Variants in RB1CC1 observed in about 807,000 individuals in gnomAD.
RB1CC1 encodes RB1 inducible coiled-coil 1.
Under a neutral mutation model 177.5 loss-of-function variants are expected in RB1CC1, and 46 were observed. The ratio of observed to expected loss-of-function variants is 0.26; its 90% CI spans 0.20 to 0.33. The LOEUF (loss-of-function observed/expected upper bound fraction) is 0.33, where lower values mean the gene tolerates loss of function less well. Among genes scored for constraint, RB1CC1 ranks in the 10% least tolerant of loss-of-function variants. The probability of loss-of-function intolerance (pLI) is 1.00; values close to 1 mark genes in which losing one functional copy is unlikely to be tolerated. For synonymous variants in RB1CC1, 666 were observed against 613.6 expected (o/e 1.09, Z -1.26); for missense variants, 1,703 against 1,816.3 (o/e 0.94, Z 1.13).
intron 5 of RB1CC1, among the ~76,000 whole-genome samples, chr8:52,682,736 A>G (rs1340470432): frequency 6.6e-6 from 1 of 152,130 alleles, no homozygotes; most frequent in Non-Finnish European, 1.5e-5. Context: ...CTATTATGTA[A>G]ATTCAGTTTA....
chr8:52,662,615 T>A (rs982747451), intron 8 of RB1CC1, among the ~76,000 whole-genome samples: 3 of 152,050 alleles, frequency 2.0e-5, no homozygotes, highest in African/African-American at 4.8e-5. Flanking sequence ...TCATTATCCT[T>A]CTAGGAACTT....
chr8:52,653,263 A>T (rs372474588), intron 15 of RB1CC1, among the ~76,000 whole-genome samples: 11 of 152,106 alleles, frequency 7.2e-5, no homozygotes, highest in African/African-American at 2.7e-4. Flanking sequence ...GCAGAGGGAG[A>T]TGAGAACACT....
intron 20 of RB1CC1, among the ~76,000 whole-genome samples, chr8:52,634,112 G>C (rs1848955842): frequency 6.6e-6 from 1 of 151,946 alleles, no homozygotes; most frequent in Non-Finnish European, 1.5e-5. Context: ...GAGAGACCTT[G>C]TCTCGATTTT....
chr8:52,663,894 T>TA (rs1279285785), intron 8 of RB1CC1, among the ~76,000 whole-genome samples: 9 of 152,292 alleles, frequency 5.9e-5, no homozygotes, highest in African/African-American at 2.2e-4. Context: ...CAATGGAAGA[T>TA]AGAGTAGTGT....
At position 52,623,725 on chromosome 8, in the gene RB1CC1, G is replaced by T. The variant is rs754968086; in HGVS notation, c.*57C>A. ...CTGCTGTTTTTGGAGTGATGAATGA[G>T]CACTGCAGGACAAATCAGAAAAAAA... On this transcript the variant is annotated 3_prime_UTR_variant, in exon 24 of 24. Transcript: ENST00000025008. The T allele has an allele frequency of 3.2e-6, 4 of 1,238,202 alleles. No homozygotes were observed. The highest frequency in any genetic ancestry group is 2.3e-5 in the East Asian group (1 of 42,694). 76.7% of individuals were successfully genotyped at this position (1,238,202 alleles called of 1,614,324 possible). A position where few individuals can be genotyped will look rare whatever the true frequency, so the allele number is the denominator to read the frequency against.
At chr8:52,667,912 T>C in intron 8 of RB1CC1, 109 bp downstream of exon 8, 1 of 1,076,100 alleles carries the variant, frequency 9.3e-7, no homozygotes, top group Non-Finnish European at 1.3e-6. Flanking sequence ...ATTAAAAATA[T>C]TCAAGGAAAA....
At chr8:52,629,178 C>T (rs1848590997) in intron 21 of RB1CC1, among the ~76,000 whole-genome samples, 1 of 152,064 alleles carries the variant, frequency 6.6e-6, no homozygotes, top group African/African-American at 2.4e-5. Context: ...CATGAAAAGT[C>T]AGAATCACAG....
intron 7 of RB1CC1, among the ~76,000 whole-genome samples, chr8:52,669,165 T>A (rs1048486434): frequency 1.3e-5 from 2 of 152,230 alleles, no homozygotes; most frequent in Admixed American, 6.5e-5. Flanking sequence ...TGACTTACTA[T>A]GCTTGTTCCT....
chr8:52,662,538 G>A (rs1055536371), intron 8 of RB1CC1, among the ~76,000 whole-genome samples: 1 of 151,950 alleles, frequency 6.6e-6, no homozygotes, highest in Non-Finnish European at 1.5e-5. Context: ...ATACCAAGTG[G>A]CTTATATGTA....
intron 15 of RB1CC1, among the ~76,000 whole-genome samples, chr8:52,652,772 T>G (rs1850723817): frequency 6.6e-6 from 1 of 152,140 alleles, no homozygotes; most frequent in African/African-American, 2.4e-5. Flanking sequence ...AAAACAAGTT[T>G]GCTGGCCAGG....
At chr8:52,702,283 A>G (rs1325883002) in intron 1 of RB1CC1, among the ~76,000 whole-genome samples, 2 of 152,206 alleles carry the variant, frequency 1.3e-5, no homozygotes, top group Non-Finnish European at 2.9e-5. Context: ...TAATGTTTTA[A>G]GTTCTCTTAT....
At chr8:52,652,409 G>A (rs887891312) in intron 15 of RB1CC1, among the ~76,000 whole-genome samples, 8 of 147,702 alleles carry the variant, frequency 5.4e-5, no homozygotes, top group African/African-American at 7.5e-5. Flanking sequence ...GCAGTGAGCC[G>A]TGATTGCGCC....
intron 1 of RB1CC1, among the ~76,000 whole-genome samples, chr8:52,707,671 A>C (rs1856703760): frequency 6.6e-6 from 1 of 152,010 alleles, no homozygotes; most frequent in Non-Finnish European, 1.5e-5. Context: ...GCTTCCCTCA[A>C]GTATCTTCCC....
intron 8 of RB1CC1, among the ~76,000 whole-genome samples, chr8:52,665,143 C>G (rs958692218): frequency 6.6e-6 from 1 of 152,046 alleles, no homozygotes; most frequent in Non-Finnish European, 1.5e-5. Flanking sequence ...ATGAATTTGA[C>G]TGCATCAAAA....
At chr8:52,636,870 C>A (rs971057349) in intron 18 of RB1CC1, among the ~76,000 whole-genome samples, 4 of 152,190 alleles carry the variant, frequency 2.6e-5, no homozygotes, top group African/African-American at 7.2e-5. Context: ...ACCGTCTCAG[C>A]ACCTTTAACC....
intron 1 of RB1CC1, among the ~76,000 whole-genome samples, chr8:52,690,678 T>C (rs965906643): frequency 5.3e-5 from 8 of 152,248 alleles, no homozygotes; most frequent in East Asian, 3.9e-4. Flanking sequence ...GTATTGTTTT[T>C]TGTTTTCTCG....
rs1021703303 is a variant in RB1CC1, at chr8:52,623,256, T to C, written c.*526A>G. The C allele has an allele frequency of 6.4e-6, 1 of 155,834 alleles. No individual in the cohort carries two copies. The highest frequency in any genetic ancestry group is 2.4e-5 in the African/African-American group (1 of 41,402). 9.7% of individuals were successfully genotyped at this position (155,834 alleles called of 1,614,324 possible). On this transcript the variant is annotated 3_prime_UTR_variant, in exon 24 of 24. Transcript: ENST00000025008. ...ATTTAAAAAAACTGAAACAATTTGC[T>C]TTAGTATCTACTGAGGCAAACTCAA...
intron 1 of RB1CC1, among the ~76,000 whole-genome samples, chr8:52,698,186 C>T (rs1855623717): frequency 6.6e-6 from 1 of 152,118 alleles, no homozygotes; most frequent in Non-Finnish European, 1.5e-5. Flanking sequence ...AAGCAATCCT[C>T]CCACTTAAGC....
intron 5 of RB1CC1, among the ~76,000 whole-genome samples, chr8:52,681,386 A>C (rs562095406): frequency 6.6e-6 from 1 of 152,302 alleles, no homozygotes; most frequent in East Asian, 1.9e-4. Context: ...TCAATAAACA[A>C]AAATCTATTC....
Sources: gnomAD v4.1 joint callset for allele counts (sites outside exome capture counted in the v4.1 genomes callset) on GRCh38, gnomAD v4.1.1 for gene constraint, MANE v1.5 for transcripts, NCBI Gene and HGNC (gene_info 2026-07-23, HGNC 2026-07-21) for gene names.